Variants in ZNF331 observed in about 807,000 individuals in gnomAD.
ZNF331 encodes the protein zinc finger protein 331, also known as C2H2-like zinc finger protein rearranged in thyroid adenomas.
ZNF331 carries 2 observed loss-of-function variants against 7.0 expected under a neutral mutation model. That is an observed-to-expected ratio of 0.29 (90% CI 0.12 to 0.90). ZNF331 has a LOEUF of 0.90. ZNF331 is among the 40% of genes least tolerant of loss of function. The probability of loss-of-function intolerance (pLI) is 0.58; values close to 1 mark genes in which losing one functional copy is unlikely to be tolerated. For synonymous variants in ZNF331, 196 were observed against 205.4 expected, an observed-to-expected ratio of 0.95 and a Z score of 0.39; for missense variants, 432 against 587.7, an observed-to-expected ratio of 0.74 and a Z score of 2.74.
At chr19:53,575,032 G>A (rs1467495526) in intron 5 of ZNF331, among the ~76,000 whole-genome samples, 1 of 150,386 alleles carries the variant, frequency 6.6e-6, no homozygotes, top group African/African-American at 2.5e-5. Context: ...TGACTTCCGG[G>A]CTCAAGCCAT....
At chr19:53,506,456 C>CTG in the ZNF331 span, among the ~76,000 whole-genome samples, 3 of 102,052 alleles carry the variant, frequency 2.9e-5, no homozygotes, top group Admixed American at 1.0e-4. Flanking sequence ...CTCTCTCTCT[C>CTG]TCTCTCTCTC....
At chr19:53,524,680 G>T (rs2087225061) in intron 2 of ZNF331, among the ~76,000 whole-genome samples, 1 of 152,048 alleles carries the variant, frequency 6.6e-6, no homozygotes, top group Non-Finnish European at 1.5e-5. Flanking sequence ...TGTGAGATAG[G>T]TAGATTGCAA....
intron 3 of ZNF331, among the ~76,000 whole-genome samples, chr19:53,563,329 A>G (rs1217112802): frequency 1.3e-5 from 2 of 151,846 alleles, no homozygotes; most frequent in Non-Finnish European, 2.9e-5. Flanking sequence ...CTCGTAATCC[A>G]CCCACCTCAG....
chr19:53,559,359 A>G (rs1457908346), intron 3 of ZNF331, among the ~76,000 whole-genome samples: 1 of 149,406 alleles, frequency 6.7e-6, no homozygotes, highest in African/African-American at 2.5e-5. Flanking sequence ...CACCATACAC[A>G]CATATACACA....
At chr19:53,522,595 C>T (rs1282206641) in intron 1 of ZNF331, 1 of 152,206 alleles carries the variant, frequency 6.6e-6, no homozygotes, top group African/African-American at 2.4e-5. Context: ...TCATTCTTAT[C>T]TTCCTTTTCC....
chr19:53,576,824 G>T lies in ZNF331; in HGVS notation c.264G>T (p.Thr88=). 1.2e-6 allele frequency: 2 copies of T among 1,614,126 alleles called. No homozygotes were observed. The highest frequency in any genetic ancestry group is 1.1e-5 in the South Asian group (1 of 91,082). ...GCCGTAACTGGATATGTGAAGGTAC[G>T]CTTGAAAGACCACAGCGCTCCAGAG... is the stretch of plus-strand genomic sequence containing the variant. ...SLGRNWICEG[T]LERPQRSRGR... The change falls in exon 6 of 6, where the codon ACG becomes ACT. Residue 88 remains threonine (T), a synonymous_variant. Coordinates refer to ENST00000449416, the MANE Select transcript of ZNF331 (RefSeq NM_001079906.2).
In ZNF331 at chr19:53,558,540, A is replaced by G. The variant is rs1289355692; in HGVS notation, c.-74+2632A>G. ...ATAAGAGTTGATTTAATGCTAATTG[A>G]TTGAGTGGGGAAACTCAAGGCCCGT... On this transcript the variant is annotated intron_variant, in intron 3 of 5. Coordinates refer to ENST00000449416, the MANE Select transcript of ZNF331 (RefSeq NM_001079906.2). The surrounding 1 kb of genome is among the most constrained non-coding windows in gnomAD (Gnocchi z 4.5). 6.6e-6 allele frequency among the ~76,000 whole-genome samples: 1 copy of G among 152,052 alleles called. No homozygotes were observed. Among genetic ancestry groups the G allele is most frequent in the African/African-American group, 2.4e-5 (1 of 41,354 alleles).
chr19:53,530,246 T>A (rs1045067467), intron 2 of ZNF331, among the ~76,000 whole-genome samples: 2 of 151,706 alleles, frequency 1.3e-5, no homozygotes, highest in Admixed American at 6.6e-5. Context: ...ACATGAGGGA[T>A]CTGCCTCCAT....
rs1757900398 is a variant in ZNF331 at position 53,560,169 on chromosome 19, TATACACACACC to T, written c.-74+4272_-74+4282del. 2.0e-5 allele frequency among the ~76,000 whole-genome samples: 3 copies of T among 149,888 alleles called. No individual in the cohort carries two copies. Among genetic ancestry groups the T allele is most frequent in the African/African-American group, 7.4e-5 (3 of 40,562 alleles). On this transcript the variant is annotated intron_variant, in intron 3 of 5. Transcript: ENST00000449416. This position sits in a 1 kb window ranked among gnomAD's most constrained non-coding sequence, Gnocchi z 4.3. ...CACATATATACACATCCACACCATA[TATACACACACC>T]ATACACACACATATATACACACACC...
chr19:53,535,867 G>A (rs575241315), upstream of ZNF331, among the ~76,000 whole-genome samples: 116 of 150,896 alleles, frequency 7.7e-4, no homozygotes, highest in Admixed American at 1.5e-3. Flanking sequence ...GTGCAGTGGC[G>A]CAATCTTGGC....
intron 2 of ZNF331, among the ~76,000 whole-genome samples, chr19:53,546,565 C>T (rs1488529386): frequency 6.6e-6 from 1 of 151,634 alleles, no homozygotes; most frequent in African/African-American, 2.4e-5. Context: ...ACAACTCCCT[C>T]CTAGAGGTTC....
rs1321542165 is a variant in ZNF331, at chr19:53,571,999, C to A, written c.136+269C>A. Among the ~76,000 whole-genome samples, 1 of 152,112 alleles carries A rather than the reference C, an allele frequency of 6.6e-6. No individual in the cohort carries two copies. Among genetic ancestry groups the A allele is most frequent in the East Asian group, 1.9e-4 (1 of 5,188 alleles). ...GAATTCTGGGATATTTATTTCATGA[C>A]CATCTTCAAAGGAGCCAGTTTGTCC... On this transcript the variant is annotated intron_variant, in intron 5 of 5. Transcript: ENST00000449416. This position sits in a 1 kb window ranked among gnomAD's most constrained non-coding sequence, Gnocchi z 4.7.
chr19:53,504,261 A>C, the ZNF331 span: 1 of 302,998 alleles, frequency 3.3e-6, no homozygotes, highest in Non-Finnish European at 6.5e-6. Context: ...CTGTGTATCC[A>C]AGCTTTGCTT....
the ZNF331 span, among the ~76,000 whole-genome samples, chr19:53,506,498 C>G: frequency 2.1e-5 from 3 of 140,394 alleles, no homozygotes; most frequent in Admixed American, 6.9e-5. Context: ...CTCTCTCTCT[C>G]TCTCTCTCTG....
At chr19:53,540,545 G>T (rs562899223) in intron 2 of ZNF331, among the ~76,000 whole-genome samples, 2 of 152,042 alleles carry the variant, frequency 1.3e-5, no homozygotes, top group Non-Finnish European at 2.9e-5. Flanking sequence ...TGATTCTCCC[G>T]CCTCAGCCTC....
At chr19:53,508,171 T>C in the ZNF331 span, among the ~76,000 whole-genome samples, 2 of 152,182 alleles carry the variant, frequency 1.3e-5, no homozygotes, top group Non-Finnish European at 2.9e-5. Context: ...ATCTGTCTCA[T>C]GCAGAGCTTG....
upstream of ZNF331, chr19:53,537,689 C>G (rs538753111): frequency 6.6e-6 from 1 of 152,462 alleles, no homozygotes; most frequent in African/African-American, 2.4e-5. Context: ...TCTGGTTTCC[C>G]CCGACGGCCC....
intron 2 of ZNF331, chr19:53,554,561 G>C (rs2089244921): frequency 6.6e-6 from 1 of 152,274 alleles, no homozygotes. Context: ...GGGAGTGCGA[G>C]GCTGACGCGG....
rs771137573 is a variant in ZNF331 at position 53,569,428 on chromosome 19, C to T, written c.9+43C>T. Reference sequence around the variant, plus strand: ...TTTCCTTCTTGAGCTATGATATTTGCGTTCTGTGCATCTGCTTGTGAATTA... The same window carrying T: ...TTTCCTTCTTGAGCTATGATATTTGTGTTCTGTGCATCTGCTTGTGAATTA... On this transcript the variant is annotated intron_variant, in intron 4 of 5. Coordinates refer to ENST00000449416, the MANE Select transcript of ZNF331 (RefSeq NM_001079906.2). The T allele has an allele frequency of 1.5e-5, 24 of 1,609,910 alleles. No homozygotes were observed. In the Admixed American group the frequency reaches 1.8e-4, roughly 12 times the overall value.
Sources: gnomAD v4.1 joint callset for allele counts (sites outside exome capture counted in the v4.1 genomes callset) on GRCh38, gnomAD v4.1.1 for gene constraint, Gnocchi (gnomAD v3.1) non-coding constraint, MANE v1.5 for transcripts, NCBI Gene and HGNC (gene_info 2026-07-23, HGNC 2026-07-21) for gene names.